LRP2BP: variants seen among roughly 807,000 people sequenced by gnomAD.
LRP2BP encodes the protein LRP2 binding protein, also known as LRP2-binding protein.
A neutral mutation model predicts 45.2 loss-of-function variants in LRP2BP; 38 were observed. The ratio of observed to expected loss-of-function variants is 0.84; its 90% CI spans 0.65 to 1.10. The LOEUF is 1.10. LRP2BP is among the 50% of genes least tolerant of loss of function. The pLI, the probability that LRP2BP is intolerant of heterozygous loss-of-function variation, is 0.00. For synonymous variants in LRP2BP, 153 were observed against 153.9 expected (o/e 0.99, Z 0.04); for missense variants, 385 against 418.9 (o/e 0.92, Z 0.71).
chr4:185,387,865 C>G (rs371507992), intron 1 of LRP2BP, among the ~76,000 whole-genome samples: 3 of 152,330 alleles, frequency 2.0e-5, no homozygotes, highest in Admixed American at 6.5e-5. Context: ...CTTGAAAGCT[C>G]TCTCCCAACT....
chr4:185,388,198 C>T (rs1017165788), intron 1 of LRP2BP, among the ~76,000 whole-genome samples: 1 of 152,174 alleles, frequency 6.6e-6, no homozygotes, highest in East Asian at 1.9e-4. Flanking sequence ...TCACATCCCA[C>T]ATGGTAGGAG....
chr4:185,373,166 T>C, intron 6 of LRP2BP, 87 bp from the exon 7 acceptor site: 1 of 1,203,248 alleles, frequency 8.3e-7, no homozygotes, highest in Non-Finnish European at 1.2e-6. Flanking sequence ...ACTCTGTGTT[T>C]CCTAGATAGC....
chr4:185,370,793 A>T lies in LRP2BP; in HGVS notation c.825T>A (p.Val275=). ...CCTGGGCGATCATGGGGATGTCGTG[A>T]ACCTCATCATAGTCAGCGATCCTGA... ...FSKRIADYDE[V]HDIPMIAQVT... is the part of the protein sequence containing the mutation. Residue 275 remains valine (V), a synonymous_variant, in exon 8 of 9, where the codon GTT becomes GTA. Coordinates refer to ENST00000505916, the MANE Select transcript of LRP2BP (RefSeq NM_001377440.1). 1 of 1,614,172 alleles carries T rather than the reference A, an allele frequency of 6.2e-7. No homozygotes were observed. The highest frequency in any genetic ancestry group is 8.5e-7 in the Non-Finnish European group (1 of 1,180,040).
chr4:185,394,806 C>T lies in LRP2BP; in HGVS notation c.-49G>A. 1.0e-6 allele frequency: 1 copy of T among 985,384 alleles called. No individual in the cohort carries two copies. Among genetic ancestry groups the T allele is most frequent in the Non-Finnish European group, 1.2e-6 (1 of 829,918 alleles). The allele number at this position is 985,384 out of a possible 1,614,324, so 61.0% of individuals were successfully genotyped here. A position where few individuals can be genotyped will look rare whatever the true frequency, so the allele number is the denominator to read the frequency against. On this transcript the variant is annotated 5_prime_UTR_variant, in exon 1 of 9. Transcript: ENST00000505916. The stretch of plus-strand genomic sequence containing the variant: ...ATCATCCAACGTTTTTTTTAACACT[C>T]GCTGTAAATGGCATCCTCGTTCTGG...
intron 7 of LRP2BP, among the ~76,000 whole-genome samples, chr4:185,371,429 C>A: frequency 6.6e-6 from 1 of 151,346 alleles, no homozygotes; most frequent in Non-Finnish European, 1.5e-5. Flanking sequence ...GTAGTCCCAG[C>A]TACTCGGGAG....
At chr4:185,396,855 G>A (rs1166868966), upstream of LRP2BP, 13 of 1,539,406 alleles carry the variant, frequency 8.4e-6, no homozygotes, top group East Asian at 2.2e-4. Context: ...ATTCTTACCT[G>A]TCGGGGTGCG....
At chr4:185,375,802 T>C (rs2095435482) in intron 3 of LRP2BP, 76 bp from the exon 4 acceptor site, 4 of 846,234 alleles carry the variant, frequency 4.7e-6, no homozygotes, top group Non-Finnish European at 7.3e-6. Flanking sequence ...AGTGGTCAAG[T>C]GTTTGTGCCC....
chr4:185,368,937 ACATGCGTTAC>A (rs2095403697), intron 8 of LRP2BP, among the ~76,000 whole-genome samples: 1 of 150,118 alleles, frequency 6.7e-6, no homozygotes, highest in Non-Finnish European at 1.5e-5. Flanking sequence ...GGGACTATGG[ACATGCGTTAC>A]CATGATGGGC....
intron 7 of LRP2BP, 150 bp from the exon 8 acceptor site, chr4:185,370,964 T>C (rs1333024528): frequency 1.4e-6 from 1 of 716,586 alleles, no homozygotes; most frequent in Non-Finnish European, 2.3e-6. Flanking sequence ...GAAGGGTCCA[T>C]GTAGGCACCT....
At position 185,395,574 on chromosome 4, in the gene LRP2BP, G is replaced by A. The variant is rs2095499833; in HGVS notation, c.-817C>T. On this transcript the variant is annotated 5_prime_UTR_variant, in exon 1 of 9. Coordinates refer to ENST00000505916, the MANE Select transcript of LRP2BP (RefSeq NM_001377440.1). Reference sequence around the variant, plus strand: ...TGAATAGTTTAAATATTAAAAATGTGGAATATAAGAACGATTCTATATATT... The same window carrying A: ...TGAATAGTTTAAATATTAAAAATGTAGAATATAAGAACGATTCTATATATT... 1 of 979,866 alleles carries A rather than the reference G, an allele frequency of 1.0e-6. No homozygotes were observed. The highest frequency in any genetic ancestry group is 6.2e-5 in the Admixed American group (1 of 16,240). The allele number at this position is 979,866 out of a possible 1,614,324, so 60.7% of individuals were successfully genotyped here.
At chr4:185,384,720 C>G (rs1034519390) in intron 1 of LRP2BP, among the ~76,000 whole-genome samples, 5 of 151,482 alleles carry the variant, frequency 3.3e-5, no homozygotes, top group African/African-American at 1.2e-4. Context: ...CCTTTCATTA[C>G]TATTGCCTAA....
At chr4:185,368,990 TG>T (rs2095403998) in intron 8 of LRP2BP, among the ~76,000 whole-genome samples, 1 of 151,820 alleles carries the variant, frequency 6.6e-6, no homozygotes, top group Non-Finnish European at 1.5e-5. Flanking sequence ...GATGGGATTT[TG>T]CCATATTGGA....
chr4:185,384,736 G>C (rs2095465355), intron 1 of LRP2BP, among the ~76,000 whole-genome samples: 1 of 151,626 alleles, frequency 6.6e-6, no homozygotes, highest in Non-Finnish European at 1.5e-5. Flanking sequence ...CCTAACAGTA[G>C]TTTTTTAAAA....
chr4:185,374,985 A>G (rs1228672918), intron 4 of LRP2BP, among the ~76,000 whole-genome samples: 1 of 152,166 alleles, frequency 6.6e-6, no homozygotes, highest in East Asian at 1.9e-4. Context: ...ACGTGGTCAC[A>G]AGGAAAGCAT....
At chr4:185,384,893 T>G (rs377047482) in intron 1 of LRP2BP, among the ~76,000 whole-genome samples, 1,315 of 67,678 alleles carry the variant, frequency 0.019, 14 homozygotes, top group African/African-American at 0.065. Context: ...TGCATCCCCC[T>G]CCCCGCCCCC....
chr4:185,377,497 A>C, intron 2 of LRP2BP: 1 of 167,404 alleles, frequency 6.0e-6, no homozygotes, highest in Non-Finnish European at 1.3e-5. Context: ...AAGCCTGGGC[A>C]ACAAGAGCGA....
In LRP2BP at chr4:185,387,768, C is replaced by T. The variant is rs142541737; in HGVS notation, c.-22+7011G>A. Among the ~76,000 whole-genome samples, 224 of 152,328 alleles carry T rather than the reference C, an allele frequency of 1.5e-3. 1 individual carries two copies. Among genetic ancestry groups the T allele is most frequent in the African/African-American group, 4.3e-3 (180 of 41,584 alleles). On this transcript the variant is annotated intron_variant, in intron 1 of 8. Transcript: ENST00000505916. ...ACAAGGTCCCCACCCCGCTGGATAA[C>T]GGGTTCTTGCAGAGGTGGGCAGCGT...
chr4:185,385,796 G>A (rs2095469479), intron 1 of LRP2BP, among the ~76,000 whole-genome samples: 1 of 152,064 alleles, frequency 6.6e-6, no homozygotes, highest in Non-Finnish European at 1.5e-5. Context: ...AGCTACTCGG[G>A]AGGCTGAGGC....
At position 185,371,469 on chromosome 4, in the gene LRP2BP, A is replaced by G. The variant is rs539114547; in HGVS notation, c.804-655T>C. Among the ~76,000 whole-genome samples the G allele has an allele frequency of 9.6e-4, 142 of 148,392 alleles. 1 individual carries two copies. Among genetic ancestry groups the G allele is most frequent in the African/African-American group, 2.6e-3 (104 of 40,380 alleles). On this transcript the variant is annotated intron_variant, in intron 7 of 8. Coordinates refer to ENST00000505916, the MANE Select transcript of LRP2BP (RefSeq NM_001377440.1). The stretch of plus-strand genomic sequence containing the variant: ...AGGCAGGAGAATGGCGTGAACCCGG[A>G]AGGCAGAGCTTGCAGTGAGCCGAGA...
Sources: allele counts gnomAD v4.1 joint callset (sites outside exome capture counted in the v4.1 genomes callset), GRCh38; gene constraint gnomAD v4.1.1; transcripts MANE v1.5; gene names NCBI Gene and HGNC (gene_info 2026-07-23, HGNC 2026-07-21).